The following SLC3A2 variants were observed in gnomAD, a reference collection of about 807,000 sequenced individuals.
SLC3A2 encodes solute carrier family 3 member 2.
A neutral mutation model predicts 48.5 loss-of-function variants in SLC3A2; 32 were observed. The ratio of observed to expected loss-of-function variants is 0.66; its 90% confidence interval spans 0.50 to 0.89. SLC3A2 has a LOEUF of 0.89. Ranked by LOEUF, SLC3A2 falls within the 40% of genes least tolerant of loss-of-function variation. The pLI is 0.00. For synonymous variants in SLC3A2, 277 were observed against 288.8 expected (o/e 0.96, Z 0.41); for missense variants, 587 against 680.7 (o/e 0.86, Z 1.53).
intron 2 of SLC3A2, 74 bp downstream of exon 2, chr11:62,882,140 T>G: frequency 6.4e-7 from 1 of 1,554,196 alleles, no homozygotes; most frequent in South Asian, 1.1e-5. Context: ...AGAACTTTTG[T>G]CTGGTTTCCT....
chr11:62,888,374 G>A lies in SLC3A2; in HGVS notation c.1271G>A (p.Arg424Gln), dbSNP rs765989187. The A allele has an allele frequency of 1.0e-4, 166 of 1,614,066 alleles. No homozygotes were observed. The highest frequency in any genetic ancestry group is 1.3e-4 in the Non-Finnish European group (154 of 1,180,046). The change falls in exon 9 of 9, where the codon CGG (arginine) becomes CAG (glutamine). Residue 424 changes from arginine to glutamine, a missense_variant. Arg to Gln is a conservative substitution (Grantham distance 43). This residue lies in a region of SLC3A2 where 169 missense variants were observed against 204.4 expected (regional missense o/e 0.83). Transcript: ENST00000338663. ...DPGSLLSLFR[R>Q]LSDQRSKERS... ...GGCTCCCTCCTTTCCTTGTTCCGGCGGCTGAGTGACCAGCGGAGTAAGGAG... is the reference window on the plus strand; with the variant it reads ...GGCTCCCTCCTTTCCTTGTTCCGGCAGCTGAGTGACCAGCGGAGTAAGGAG...
At chr11:62,877,021 A>G, upstream of SLC3A2, 2 of 853,126 alleles carry the variant, frequency 2.3e-6, no homozygotes, top group Non-Finnish European at 2.8e-6. Context: ...TTGTCTTCAC[A>G]TGCTAGTTTT....
Position 62,883,009 on chromosome 11 carries a change from GGA to G in SLC3A2, c.690+12_690+13del. 1 of 1,612,944 alleles carries G rather than the reference GGA, an allele frequency of 6.2e-7. No homozygotes were observed. The highest frequency in any genetic ancestry group is 8.5e-7 in the Non-Finnish European group (1 of 1,178,908). On this transcript the variant is annotated intron_variant, in intron 3 of 8. Transcript: ENST00000338663. ...GGCCACCAAGGTGAAGGTGAGTGTT[GGA>G]GCTGATGGCTGGTGGAAGTCAGATG...
At chr11:62,877,349 G>A (rs946938907), upstream of SLC3A2, among the ~76,000 whole-genome samples, 6 of 152,138 alleles carry the variant, frequency 3.9e-5, no homozygotes, top group Admixed American at 3.3e-4. Flanking sequence ...GTGATCCACC[G>A]TGCCTAGCCT....
At chr11:62,882,091 A>G (rs758173126) in intron 2 of SLC3A2, 25 bp downstream of exon 2, 8 of 1,613,660 alleles carry the variant, frequency 5.0e-6, no homozygotes, top group Non-Finnish European at 6.8e-6. Context: ...GTTCCCAAGG[A>G]AACAGCTAGA....
intron 1 of SLC3A2, among the ~76,000 whole-genome samples, chr11:62,865,561 C>CAAAA (rs35320203): frequency 9.2e-4 from 80 of 86,634 alleles, no homozygotes; most frequent in Non-Finnish European, 1.2e-3. Flanking sequence ...GTCTCCCCCA[C>CAAAA]AAAAAAAAAA....
At chr11:62,858,416 G>A (rs2134967231) in intron 1 of SLC3A2, among the ~76,000 whole-genome samples, 1 of 152,252 alleles carries the variant, frequency 6.6e-6, no homozygotes, top group East Asian at 1.9e-4. Context: ...ACGTTGAAAT[G>A]TTGAATTTAA....
chr11:62,887,132 A>G (rs1228887330), intron 7 of SLC3A2, among the ~76,000 whole-genome samples: 1 of 152,164 alleles, frequency 6.6e-6, no homozygotes, highest in Non-Finnish European at 1.5e-5. Context: ...AGCATTGCAC[A>G]AGAGAGCTGG....
intron 1 of SLC3A2, chr11:62,870,844 A>AT (rs763763234): frequency 9.6e-6 from 1 of 104,680 alleles, no homozygotes; most frequent in Non-Finnish European, 1.6e-5. Context: ...ATAGGTAATA[A>AT]TAATAATAAT....
At chr11:62,863,478 CAG>C (rs1336229916) in intron 1 of SLC3A2, among the ~76,000 whole-genome samples, 1 of 152,156 alleles carries the variant, frequency 6.6e-6, no homozygotes, top group Non-Finnish European at 1.5e-5. Flanking sequence ...TGCTGGGAAA[CAG>C]GCATGAGCCA....
Position 62,873,969 on chromosome 11 carries a change from A to ATTTT in SLC3A2, c.113-7016_113-7013dup, listed in dbSNP as rs573491653. Among the ~76,000 whole-genome samples, 13 of 38,898 alleles carry ATTTT rather than the reference A, an allele frequency of 3.3e-4. 1 individual carries two copies. The highest frequency in any genetic ancestry group is 1.0e-3 in the African/African-American group (10 of 9,752). The allele number at this position is 38,898 out of a possible 152,430, so 25.5% of individuals were successfully genotyped here. On this transcript the variant is annotated intron_variant, in intron 1 of 9. Coordinates refer to the SLC3A2 transcript ENST00000377889. ...CAGGTACTTGCACCATGCCCAGCTA[A>ATTTT]TTTTTTTTTTTTTTTTTTTTTTTTT... is the stretch of plus-strand genomic sequence containing the variant.
intron 7 of SLC3A2, among the ~76,000 whole-genome samples, chr11:62,887,699 C>CAA (rs753559403): frequency 2.1e-4 from 19 of 89,524 alleles, no homozygotes; most frequent in African/African-American, 3.4e-4. Context: ...GACTCCGTCT[C>CAA]AAAAAAAAAA....
In SLC3A2 at chr11:62,885,341, G is replaced by A. The variant is rs1453742379; in HGVS notation, c.983G>A (p.Arg328His). 1.9e-6 allele frequency: 3 copies of A among 1,614,080 alleles called. No individual in the cohort carries two copies. Among genetic ancestry groups the A allele is most frequent in the African/African-American group, 1.3e-5 (1 of 74,930 alleles). Residue 328 changes from arginine (R) to histidine (H), a missense_variant, in exon 6 of 9, where the codon CGC (arginine) becomes CAC (histidine). Arg to His is a conservative substitution (Grantham distance 29). Transcript: ENST00000338663. ...VTQYLNATGN[R>H]WCSWSLSQAR... is the part of the protein sequence containing the mutation. ...CAGTATTTGAATGCCACTGGCAATC[G>A]CTGGTGCAGCTGGAGTGTGAGTACC...
intron 1 of SLC3A2, among the ~76,000 whole-genome samples, chr11:62,874,983 G>A (rs1313994996): frequency 6.6e-6 from 1 of 151,998 alleles, no homozygotes; most frequent in African/African-American, 2.4e-5. Context: ...AGCTGGTCTC[G>A]AATTCCTGAC....
intron 1 of SLC3A2, among the ~76,000 whole-genome samples, chr11:62,857,572 C>T (rs1279220171): frequency 6.6e-6 from 1 of 151,592 alleles, no homozygotes; most frequent in African/African-American, 2.4e-5. Context: ...TGCCTGTAGC[C>T]CCAGCTGCTT....
chr11:62,879,606 G>T (rs373690343), upstream of SLC3A2, among the ~76,000 whole-genome samples: 9 of 152,104 alleles, frequency 5.9e-5, no homozygotes, highest in Non-Finnish European at 1.3e-4. Flanking sequence ...GGTTGCAGAG[G>T]GGACTAGCAG....
chr11:62,868,770 A>G (rs1272575825), intron 1 of SLC3A2, among the ~76,000 whole-genome samples: 1 of 152,206 alleles, frequency 6.6e-6, no homozygotes, highest in East Asian at 1.9e-4. Flanking sequence ...CACTTGGTTT[A>G]GTCAGATGTT....
At chr11:62,860,869 T>G (rs12225962) in intron 1 of SLC3A2, among the ~76,000 whole-genome samples, 7,503 of 152,236 alleles carry the variant, frequency 0.049, 239 homozygotes, top group East Asian at 0.15. Flanking sequence ...AACACATTTT[T>G]AACAAAGCAC....
chr11:62,875,182 G>A lies in SLC3A2; in HGVS notation c.113-5837G>A, dbSNP rs1206993996. ...CTTGGGCTTTCGAAGATTTATGGAG[G>A]CTGTTGGACAGAGACAGTCTCCTGA... On this transcript the variant is annotated intron_variant, in intron 1 of 9. Coordinates refer to the SLC3A2 transcript ENST00000377889. Among the ~76,000 whole-genome samples, 5 of 152,262 alleles carry A rather than the reference G, an allele frequency of 3.3e-5. No homozygotes were observed. In the South Asian group the frequency reaches 6.2e-4, roughly 19 times the overall value.
Sources: gnomAD v4.1 joint callset for allele counts (sites outside exome capture counted in the v4.1 genomes callset) on GRCh38, gnomAD v4.1.1 for gene constraint, gnomAD v4.1.1 regional missense constraint, MANE v1.5 for transcripts, NCBI Gene and HGNC (gene_info 2026-07-23, HGNC 2026-07-21) for gene names.